Variants in TAAR5 observed in about 807,000 individuals in gnomAD.
The protein encoded by TAAR5 is trace amine associated receptor 5.
TAAR5 carries 27 observed loss-of-function variants against 21.1 expected under a neutral mutation model. That is an observed-to-expected ratio of 1.28 (90% confidence interval 0.94 to 1.76). The LOEUF (loss-of-function observed/expected upper bound fraction) is 1.76, where lower values mean the gene tolerates loss of function less well. Among genes scored for constraint, TAAR5 ranks in the 40% most tolerant of loss-of-function variants. TAAR5 has a pLI of 0.00. For missense variants in TAAR5, 495 were observed against 405.6 expected, an observed-to-expected ratio of 1.22 and a Z score of -1.89; for synonymous variants, 203 against 167.5, an observed-to-expected ratio of 1.21 and a Z score of -1.64.
chr6:132,602,006 T>C, the TAAR5 span, among the ~76,000 whole-genome samples: 2 of 152,310 alleles, frequency 1.3e-5, no homozygotes, highest in East Asian at 3.9e-4. Flanking sequence ...AAAATATTTT[T>C]TGAATGAATG....
At chr6:132,598,915 C>T in the TAAR5 span, among the ~76,000 whole-genome samples, 1 of 152,160 alleles carries the variant, frequency 6.6e-6, no homozygotes, top group African/African-American at 2.4e-5. Context: ...TGAAATACAA[C>T]CCATGCTCCG....
chr6:132,608,753 T>C, the TAAR5 span: 1 of 455,974 alleles, frequency 2.2e-6, no homozygotes, highest in Admixed American at 2.3e-5. Context: ...TAGCTCTGCA[T>C]ACCGGAAACA....
At chr6:132,594,845 G>A in the TAAR5 span, 1 of 152,118 alleles carries the variant, frequency 6.6e-6, no homozygotes, top group East Asian at 1.9e-4. Context: ...CCCCCCCAGA[G>A]CTTATTAAAT....
At chr6:132,604,842 G>A in the TAAR5 span, among the ~76,000 whole-genome samples, 1 of 152,250 alleles carries the variant, frequency 6.6e-6, no homozygotes, top group Admixed American at 6.5e-5. Flanking sequence ...AAGGAAACCA[G>A]GAAAAAGCAG....
chr6:132,589,524 CA>C lies in TAAR5; in HGVS notation c.162del (p.Phe54LeufsTer95). 4 of 1,613,974 alleles carry C rather than the reference CA, an allele frequency of 2.5e-6. No homozygotes were observed. Among genetic ancestry groups the C allele is most frequent in the Non-Finnish European group, 3.4e-6 (4 of 1,179,954 alleles). On this transcript the variant is annotated frameshift_variant, in exon 1 of 1. Coordinates refer to ENST00000258034, the MANE Select transcript of TAAR5 (RefSeq NM_003967.3). LOFTEE classifies it high-confidence loss of function. The part of the protein sequence containing the change: ...GMLIIVLGNV[F>X]VAFAVSYFKA... ...TTGAAGTAGGACACAGCAAATGCCA[CA>C]AATACATTCCCTAGCACGATAATCA...
the TAAR5 span, among the ~76,000 whole-genome samples, chr6:132,597,361 T>C: frequency 7.9e-5 from 12 of 152,160 alleles, no homozygotes; most frequent in Admixed American, 2.6e-4. Context: ...AAGATAAGAA[T>C]AATTTCAAAC....
the TAAR5 span, among the ~76,000 whole-genome samples, chr6:132,611,522 G>C: frequency 6.6e-6 from 1 of 152,146 alleles, no homozygotes; most frequent in Admixed American, 6.6e-5. Context: ...CACATTGTAT[G>C]CCTGTATCAA....
In TAAR5 at chr6:132,588,948, C is replaced by T. The variant is rs1252235101; in HGVS notation, c.739G>A (p.Glu247Lys). ...CCCAGGGTCTTGGCAGCTTTTCTCT[C>T]ATGCTTGGCAGCCCCAGCCAGGCTT... is the stretch of plus-strand genomic sequence containing the variant. ...SKSLAGAAKH[E>K]RKAAKTLGIA... The change falls in exon 1 of 1, where the codon GAG (glutamate) becomes AAG (lysine). Residue 247 changes from glutamate to lysine, a missense_variant. Coordinates refer to ENST00000258034, the MANE Select transcript of TAAR5 (RefSeq NM_003967.3). 4 of 1,613,990 alleles carry T rather than the reference C, an allele frequency of 2.5e-6. No homozygotes were observed. The highest frequency in any genetic ancestry group is 3.4e-6 in the Non-Finnish European group (4 of 1,179,994).
the TAAR5 span, among the ~76,000 whole-genome samples, chr6:132,606,216 C>T: frequency 6.6e-6 from 1 of 152,114 alleles, no homozygotes; most frequent in South Asian, 2.1e-4. Flanking sequence ...TGTGATATAC[C>T]TAGGTAACAA....
At position 132,589,117 on chromosome 6, in the gene TAAR5, GC is replaced by G. The variant is rs774450696; in HGVS notation, c.569del (p.Gly190AlafsTer14). On this transcript the variant is annotated frameshift_variant, in exon 1 of 1. Coordinates refer to ENST00000258034, the MANE Select transcript of TAAR5 (RefSeq NM_003967.3). LOFTEE classifies it high-confidence loss of function. Reference sequence around the variant, plus strand: ...ATTTATTGAGCAGCAGCTGGCAACTGCCCACACAAGGCATCTCTTCCAGCCA... The same window carrying G: ...ATTTATTGAGCAGCAGCTGGCAACTGCCACACAAGGCATCTCTTCCAGCCA... ...SQWLEEMPCV[G>X]SCQLLLNKFW... is the part of the protein sequence containing the mutation. 3.1e-6 allele frequency: 5 copies of G among 1,613,322 alleles called. No homozygotes were observed. In the South Asian group the frequency reaches 5.5e-5, roughly 18 times the overall value.
the TAAR5 span, among the ~76,000 whole-genome samples, chr6:132,613,471 C>G: frequency 6.6e-6 from 1 of 152,070 alleles, no homozygotes; most frequent in African/African-American, 2.4e-5. Flanking sequence ...AATCACATAG[C>G]CTCTATGGAA....
At chr6:132,600,217 G>C in the TAAR5 span, among the ~76,000 whole-genome samples, 39 of 152,140 alleles carry the variant, frequency 2.6e-4, no homozygotes, top group Middle Eastern at 3.4e-3. Context: ...ATTATTATTA[G>C]TAGTAGTATT....
the TAAR5 span, among the ~76,000 whole-genome samples, chr6:132,605,761 T>C: frequency 0.37 from 55,763 of 152,002 alleles, 10,574 homozygotes; most frequent in African/African-American, 0.41. Flanking sequence ...ACCCCCTGAA[T>C]CTTAGATAAA....
At chr6:132,592,532 T>G (rs1247597409), upstream of TAAR5, among the ~76,000 whole-genome samples, 4 of 152,192 alleles carry the variant, frequency 2.6e-5, no homozygotes, top group African/African-American at 9.7e-5. Flanking sequence ...CATGTCAAAT[T>G]GTAATCCTCA....
upstream of TAAR5, among the ~76,000 whole-genome samples, chr6:132,591,648 G>T (rs1049705610): frequency 6.6e-6 from 1 of 152,118 alleles, no homozygotes; most frequent in East Asian, 1.9e-4. Context: ...CATATAATTG[G>T]CCAAGGAGTC....
the TAAR5 span, among the ~76,000 whole-genome samples, chr6:132,600,872 A>AAAGAAGGAAGGAAG: frequency 4.5e-5 from 1 of 22,404 alleles, no homozygotes; most frequent in Non-Finnish European, 8.6e-5. Flanking sequence ...AAGGAAGGAG[A>AAAGAAGGAAGGAAG]GAGGGAAGGA....
At chr6:132,608,645 T>C in the TAAR5 span, 1 of 456,054 alleles carries the variant, frequency 2.2e-6, no homozygotes, top group Non-Finnish European at 4.4e-6. Flanking sequence ...CCAACCATGA[T>C]GGAGCCAGGG....
At chr6:132,613,349 G>A in the TAAR5 span, among the ~76,000 whole-genome samples, 35 of 151,988 alleles carry the variant, frequency 2.3e-4, no homozygotes, top group African/African-American at 5.8e-4. Context: ...AGATCTTTGC[G>A]GCCATTAACA....
chr6:132,603,823 T>C, the TAAR5 span, among the ~76,000 whole-genome samples: 5 of 152,134 alleles, frequency 3.3e-5, no homozygotes, highest in Non-Finnish European at 7.4e-5. Flanking sequence ...GTCTGATAAT[T>C]AAATCATCAG....
Sources: gnomAD v4.1 joint callset for allele counts (sites outside exome capture counted in the v4.1 genomes callset) on GRCh38, gnomAD v4.1.1 for gene constraint, MANE v1.5 for transcripts, NCBI Gene and HGNC (gene_info 2026-07-23, HGNC 2026-07-21) for gene names.